Variants in RHOT1 observed in about 807,000 individuals in gnomAD.
RHOT1 encodes the protein ras homolog family member T1.
In RHOT1, 27 loss-of-function variants were observed where a neutral mutation model predicts 95.3. The ratio of observed to expected loss-of-function variants is 0.28; its 90% CI spans 0.21 to 0.39. RHOT1 has a LOEUF of 0.39. Among genes scored for constraint, RHOT1 ranks in the 10% least tolerant of loss-of-function variants. The pLI is 1.00. For synonymous variants in RHOT1, 227 were observed against 263.5 expected, an observed-to-expected ratio of 0.86 and a Z score of 1.34; for missense variants, 578 against 786.7, an observed-to-expected ratio of 0.73 and a Z score of 3.17.
rs151215812 is a variant in RHOT1 at position 32,191,522 on chromosome 17, A to G, written c.541-679A>G. On this transcript the variant is annotated intron_variant, in intron 8 of 19. Transcript: ENST00000545287. ...AAGCATGTGGGCCTTATTTTAAAAT[A>G]GTCATATATTTATTCTATCCATGAT... is the stretch of plus-strand genomic sequence containing the variant. 7.1e-3 allele frequency among the ~76,000 whole-genome samples: 1,083 copies of G among 152,338 alleles called. 20 individuals are homozygous for G. The highest frequency in any genetic ancestry group is 0.024 in the African/African-American group (1,018 of 41,576).
intron 1 of RHOT1, among the ~76,000 whole-genome samples, chr17:32,168,466 G>A (rs2034294491): frequency 6.6e-6 from 1 of 151,976 alleles, no homozygotes; most frequent in Non-Finnish European, 1.5e-5. Context: ...TAGAGACAGG[G>A]TGTCATTATG....
At chr17:32,182,432 G>C (rs1204702850) in intron 6 of RHOT1, among the ~76,000 whole-genome samples, 1 of 152,170 alleles carries the variant, frequency 6.6e-6, no homozygotes, top group African/African-American at 2.4e-5. Flanking sequence ...GTTGCAGTGA[G>C]CTGTGATCCT....
At position 32,199,019 on chromosome 17, in the gene RHOT1, C is replaced by T. The variant is rs373571995; in HGVS notation, c.942C>T (p.Asp314=). ...HAYLFLQSTF[D]KHDLDRDCAL... is the part of the protein sequence containing the mutation. Reference sequence around the variant, plus strand: ...ATTTATTTCTCCAAAGCACCTTTGACAAGCATGATTTGGTAAGCCTTTAGC... The same window carrying T: ...ATTTATTTCTCCAAAGCACCTTTGATAAGCATGATTTGGTAAGCCTTTAGC... Residue 314 remains aspartate, a synonymous_variant, in exon 12 of 20, where the codon GAC becomes GAT. Coordinates refer to ENST00000545287, the MANE Select transcript of RHOT1 (RefSeq NM_001033566.3). 9 of 1,605,266 alleles carry T rather than the reference C, an allele frequency of 5.6e-6. No individual in the cohort carries two copies. The highest frequency in any genetic ancestry group is 2.7e-5 in the African/African-American group (2 of 74,894).
chr17:32,149,635 A>ATATATATATGTGTGTGTG (rs1445281403), intron 1 of RHOT1, among the ~76,000 whole-genome samples: 5 of 59,092 alleles, frequency 8.5e-5, no homozygotes, highest in Admixed American at 4.4e-4. Context: ...ATATATATAT[A>ATATATATATGTGTGTGTG]TGTGTGTGTG....
chr17:32,204,127 A>G (rs2037529332), intron 16 of RHOT1, among the ~76,000 whole-genome samples, 154 bp downstream of exon 16: 1 of 152,062 alleles, frequency 6.6e-6, no homozygotes, highest in South Asian at 2.1e-4. Flanking sequence ...CGGTCTCACT[A>G]TGTTGCCCTG....
At chr17:32,204,153 C>T (rs1395243490) in intron 16 of RHOT1, among the ~76,000 whole-genome samples, 180 bp downstream of exon 16, 9 of 151,992 alleles carry the variant, frequency 5.9e-5, no homozygotes, top group Admixed American at 2.0e-4. Context: ...CTCTTGGGCT[C>T]GAGGGATCTC....
intron 6 of RHOT1, 129 bp from the exon 7 acceptor site, chr17:32,182,628 T>C (rs1294655987): frequency 9.8e-6 from 6 of 610,626 alleles, no homozygotes; most frequent in Non-Finnish European, 1.7e-5. Context: ...AACCTGACTG[T>C]AGAGAAAGGT....
intron 1 of RHOT1, among the ~76,000 whole-genome samples, chr17:32,170,780 A>C (rs1182608202): frequency 1.3e-5 from 2 of 152,234 alleles, no homozygotes; most frequent in African/African-American, 4.8e-5. Context: ...GTATAGGAAA[A>C]ATCTGGGAGA....
chr17:32,180,420 T>G (rs1598375341), intron 6 of RHOT1, among the ~76,000 whole-genome samples: 1 of 152,084 alleles, frequency 6.6e-6, no homozygotes, highest in Non-Finnish European at 1.5e-5. Context: ...TTAAGGGCAG[T>G]GCAAGATGTG....
intron 1 of RHOT1, among the ~76,000 whole-genome samples, chr17:32,168,263 A>G (rs1340612720): frequency 6.6e-6 from 1 of 151,990 alleles, no homozygotes; most frequent in Non-Finnish European, 1.5e-5. Flanking sequence ...ACACTCACAT[A>G]CACATGCATG....
chr17:32,220,792 C>T (rs546828901), intron 19 of RHOT1, among the ~76,000 whole-genome samples: 37 of 133,740 alleles, frequency 2.8e-4, no homozygotes, highest in Non-Finnish European at 5.4e-4. Flanking sequence ...GCTGAGATTG[C>T]GAGACTCTGT....
At chr17:32,187,624 G>C (rs546767387) in intron 8 of RHOT1, among the ~76,000 whole-genome samples, 98 of 151,976 alleles carry the variant, frequency 6.4e-4, no homozygotes, top group Non-Finnish European at 1.3e-3. Flanking sequence ...TCGCTCTGTT[G>C]CCCACGTTGG....
intron 19 of RHOT1, among the ~76,000 whole-genome samples, chr17:32,224,098 T>G (rs947051435): frequency 1.3e-5 from 2 of 151,968 alleles, no homozygotes; most frequent in South Asian, 2.1e-4. Context: ...TTTTGGGGGG[T>G]TTTTTGTAAA....
At chr17:32,201,374 G>A (rs2037307391) in intron 14 of RHOT1, among the ~76,000 whole-genome samples, 1 of 152,196 alleles carries the variant, frequency 6.6e-6, no homozygotes, top group Non-Finnish European at 1.5e-5. Flanking sequence ...TAAAAATAAT[G>A]CGTATTAACT....
chr17:32,192,625 G>A (rs1489121702), intron 9 of RHOT1, among the ~76,000 whole-genome samples: 1 of 151,164 alleles, frequency 6.6e-6, no homozygotes, highest in East Asian at 1.9e-4. Flanking sequence ...CAGGATGGAG[G>A]GAGTTGGGAA....
chr17:32,187,288 A>G (rs867431522), intron 8 of RHOT1, among the ~76,000 whole-genome samples: 16 of 152,064 alleles, frequency 1.1e-4, no homozygotes, highest in African/African-American at 3.4e-4. Flanking sequence ...CTCTGTCTCA[A>G]AAAAAGAAAG....
At chr17:32,202,586 C>G (rs960182134) in intron 14 of RHOT1, among the ~76,000 whole-genome samples, 184 bp from the exon 15 acceptor site, 1 of 152,096 alleles carries the variant, frequency 6.6e-6, no homozygotes, top group South Asian at 2.1e-4. Context: ...TAACTGGGGC[C>G]CTTCTGCATT....
chr17:32,143,868 A>G (rs572962005), intron 1 of RHOT1, among the ~76,000 whole-genome samples: 21 of 152,326 alleles, frequency 1.4e-4, no homozygotes, highest in African/African-American at 4.6e-4. Flanking sequence ...TGGAATCCCA[A>G]GGAAGAAAGT....
At chr17:32,154,319 G>C (rs371221503) in intron 1 of RHOT1, among the ~76,000 whole-genome samples, 1 of 150,414 alleles carries the variant, frequency 6.6e-6, no homozygotes, top group African/African-American at 2.5e-5. Context: ...AGTGGCTCAC[G>C]CCTGTAATCC....
Sources: gnomAD v4.1 joint callset for allele counts (sites outside exome capture counted in the v4.1 genomes callset) on GRCh38, gnomAD v4.1.1 for gene constraint, MANE v1.5 for transcripts, NCBI Gene and HGNC (gene_info 2026-07-23, HGNC 2026-07-21) for gene names.